The following MSN variants were observed in gnomAD, a reference collection of about 807,000 sequenced individuals.
MSN encodes the protein epididymis luminal protein 70.
MSN carries 2 observed loss-of-function variants against 48.0 expected under a neutral mutation model. That is an observed-to-expected ratio of 0.04 (90% CI 0.02 to 0.13). The LOEUF (loss-of-function observed/expected upper bound fraction) is 0.13, where lower values mean the gene tolerates loss of function less well. Among genes scored for constraint, MSN ranks in the 10% least tolerant of loss-of-function variants. MSN has a pLI of 1.00. For missense variants in MSN, 267 were observed against 470.1 expected, an observed-to-expected ratio of 0.57 and a Z score of 3.99; for synonymous variants, 146 against 166.9, an observed-to-expected ratio of 0.87 and a Z score of 0.97.
intron 7 of MSN, among the ~76,000 whole-genome samples, chrX:65,734,395 T>C (rs2071654476): frequency 8.9e-6 from 1 of 111,816 alleles, no homozygotes; most frequent in Non-Finnish European, 1.9e-5. Context: ...CTAAGTAGCA[T>C]ACTAATTTTA....
chrX:65,735,555 A>G lies in MSN; in HGVS notation c.959+125A>G, dbSNP rs896820600. The G allele has an allele frequency of 4.7e-5, 37 of 794,556 alleles. No homozygotes were observed. In the African/African-American group the frequency reaches 6.1e-4, roughly 13 times the overall value. 65.5% of individuals were successfully genotyped at this position (794,556 alleles called of 1,213,427 possible). ...TTCATAGATGAGAGGTTAGACACCA[A>G]TATTCACATTTATTCAGAAAAAATC... On this transcript the variant is annotated intron_variant, in intron 8 of 12. Transcript: ENST00000360270.
chrX:65,656,265 CTG>C (rs3087113), intron 1 of MSN, among the ~76,000 whole-genome samples: 2,208 of 92,223 alleles, frequency 0.024, 41 homozygotes, highest in East Asian at 0.074. Flanking sequence ...AGATCTATGC[CTG>C]TGTGTGTGTG....
intron 1 of MSN, among the ~76,000 whole-genome samples, chrX:65,702,131 G>C (rs1284680029): frequency 3.7e-5 from 4 of 106,730 alleles, no homozygotes; most frequent in Non-Finnish European, 5.8e-5. Flanking sequence ...TCCTTCCTCA[G>C]CCTCCCAAGT....
chrX:65,636,790 A>G (rs2148367756), intron 1 of MSN, among the ~76,000 whole-genome samples: 1 of 104,373 alleles, frequency 9.6e-6, no homozygotes, highest in South Asian at 4.3e-4. Context: ...AAGAAAGAAA[A>G]GAAAAGAAGG....
chrX:65,674,566 C>A (rs1486135980), intron 1 of MSN, among the ~76,000 whole-genome samples: 1 of 111,970 alleles, frequency 8.9e-6, no homozygotes, highest in African/African-American at 3.3e-5. Flanking sequence ...TTCTCTTTGC[C>A]CTGTTTAATT....
At chrX:65,588,760 G>A (rs938428224) in intron 1 of MSN, 2 of 372,333 alleles carry the variant, frequency 5.4e-6, no homozygotes, top group Non-Finnish European at 7.1e-6. Context: ...ATGTTGATCA[G>A]TGTAGGTGTT....
rs1602709099 is a variant in MSN, at chrX:65,601,823, C to A, written c.-22+13211C>A. 4.4e-5 allele frequency among the ~76,000 whole-genome samples: 5 copies of A among 112,530 alleles called. No individual in the cohort carries two copies. The Admixed American group carries it at 4.7e-4, about 11-fold the overall frequency. On this transcript the variant is annotated intron_variant, in intron 1 of 3. Coordinates refer to the MSN transcript ENST00000609672. ...TTTTTTCTTCACTTCCTCAGTCTATCTGTTTCCTCTGATTCAAATACTATG... is the reference window on the plus strand; with the variant it reads ...TTTTTTCTTCACTTCCTCAGTCTATATGTTTCCTCTGATTCAAATACTATG...
At chrX:65,671,007 T>A (rs1415454174) in intron 1 of MSN, among the ~76,000 whole-genome samples, 2 of 92,374 alleles carry the variant, frequency 2.2e-5, no homozygotes, top group African/African-American at 3.9e-5. Context: ...TCTTTTAGGA[T>A]CACAAAGGCT....
At chrX:65,628,246 A>G (rs1177809080) in intron 1 of MSN, among the ~76,000 whole-genome samples, 1 of 113,010 alleles carries the variant, frequency 8.8e-6, no homozygotes, top group Admixed American at 9.3e-5. Flanking sequence ...CTTCCCTAGC[A>G]GAAGTTCTCT....
At chrX:65,652,969 T>G (rs779617358) in intron 1 of MSN, among the ~76,000 whole-genome samples, 1 of 111,961 alleles carries the variant, frequency 8.9e-6, no homozygotes, top group African/African-American at 3.2e-5. Context: ...AACATGGGGC[T>G]CTCTCTCTTC....
intron 1 of MSN, among the ~76,000 whole-genome samples, chrX:65,703,607 A>T (rs1296463122): frequency 1.8e-5 from 2 of 111,030 alleles, no homozygotes; most frequent in African/African-American, 6.6e-5. Context: ...GTTGCACAGG[A>T]TAGAGTGCAG....
chrX:65,597,290 C>T (rs1464967030), intron 1 of MSN, among the ~76,000 whole-genome samples: 1 of 108,713 alleles, frequency 9.2e-6, no homozygotes, highest in Non-Finnish European at 1.9e-5. Context: ...CTCCAGTGAT[C>T]CTCCCACCTC....
At chrX:65,630,837 T>C (rs764057050) in intron 1 of MSN, among the ~76,000 whole-genome samples, 19 of 111,968 alleles carry the variant, frequency 1.7e-4, no homozygotes, top group African/African-American at 5.8e-4. Flanking sequence ...GTGTCAATAC[T>C]TCCTTTTAAA....
intron 6 of MSN, 52 bp from the exon 7 acceptor site, chrX:65,733,132 C>T: frequency 2.0e-6 from 2 of 996,484 alleles, no homozygotes; most frequent in Admixed American, 2.2e-5. Flanking sequence ...CAGTTCTCTA[C>T]ACCCTTCTTG....
chrX:65,656,419 C>T (rs2070781740), intron 1 of MSN, among the ~76,000 whole-genome samples: 2 of 110,126 alleles, frequency 1.8e-5, no homozygotes, highest in African/African-American at 3.3e-5. Context: ...GAATGTGTGC[C>T]CTTAGAGAAA....
intron 6 of MSN, 22 bp downstream of exon 6, chrX:65,732,006 G>A (rs1185422661): frequency 5.9e-6 from 7 of 1,193,427 alleles, no homozygotes; most frequent in South Asian, 1.8e-5. Flanking sequence ...ATCTCTTTTA[G>A]TTTATTTAGG....
At chrX:65,593,012 G>A (rs180706978) in intron 1 of MSN, among the ~76,000 whole-genome samples, 297 of 111,787 alleles carry the variant, frequency 2.7e-3, no homozygotes, top group African/African-American at 8.6e-3. Context: ...CTGCACTCTA[G>A]CCTGGGAGAC....
intron 1 of MSN, among the ~76,000 whole-genome samples, chrX:65,686,187 G>GGA (rs1420541382): frequency 8.8e-6 from 1 of 113,012 alleles, no homozygotes; most frequent in African/African-American, 3.2e-5. Flanking sequence ...GGTCTTAGAA[G>GGA]CTTTCTAACT....
chrX:65,668,843 C>A (rs2070901372), intron 1 of MSN, among the ~76,000 whole-genome samples: 1 of 111,926 alleles, frequency 8.9e-6, no homozygotes, highest in Non-Finnish European at 1.9e-5. Context: ...GGCTTGAGTC[C>A]CTTAGGCCAA....
Sources: gnomAD v4.1 joint callset for allele counts (sites outside exome capture counted in the v4.1 genomes callset) on GRCh38, gnomAD v4.1.1 for gene constraint, MANE v1.5 for transcripts, NCBI Gene and HGNC (gene_info 2026-07-23, HGNC 2026-07-21) for gene names.